Variants in SPTLC1 observed in about 807,000 individuals in gnomAD.
SPTLC1 encodes serine palmitoyltransferase 1.
Under a neutral mutation model 68.9 loss-of-function variants are expected in SPTLC1, and 55 were observed. The observed-to-expected ratio is 0.80, with a 90% confidence interval of 0.64 to 1.00. SPTLC1 has a LOEUF of 1.00. SPTLC1 is among the 50% of genes least tolerant of loss of function. The pLI is 0.00. For synonymous variants in SPTLC1, 197 were observed against 201.6 expected (o/e 0.98, Z 0.19); for missense variants, 449 against 573.1 (o/e 0.78, Z 2.21).
intron 8 of SPTLC1, among the ~76,000 whole-genome samples, chr9:92,053,716 T>A (rs1833788947): frequency 6.6e-6 from 1 of 152,036 alleles, no homozygotes; most frequent in African/African-American, 2.4e-5. Flanking sequence ...AAAAGGTAAA[T>A]CCATAGAGAC....
At chr9:92,109,062 C>G in intron 2 of SPTLC1, 1 of 460,554 alleles carries the variant, frequency 2.2e-6, no homozygotes, top group Non-Finnish European at 4.0e-6. Flanking sequence ...AGCCCTTGAC[C>G]ACTAACAGGA....
chr9:92,059,847 C>T (rs1175835504), intron 6 of SPTLC1, among the ~76,000 whole-genome samples: 2 of 152,152 alleles, frequency 1.3e-5, no homozygotes, highest in Non-Finnish European at 2.9e-5. Flanking sequence ...CCTCGAGAGG[C>T]TGTAACAAGG....
intron 13 of SPTLC1, among the ~76,000 whole-genome samples, chr9:92,036,907 G>C (rs1161331218): frequency 6.6e-6 from 1 of 152,214 alleles, no homozygotes; most frequent in Non-Finnish European, 1.5e-5. Flanking sequence ...TGTCCACAGA[G>C]TTGTGCCTGA....
intron 11 of SPTLC1, chr9:92,046,336 T>A: frequency 7.5e-6 from 3 of 399,826 alleles, no homozygotes; most frequent in Non-Finnish European, 1.3e-5. Context: ...CTAATCTGGC[T>A]AAGAATCAAA....
intron 9 of SPTLC1, among the ~76,000 whole-genome samples, chr9:92,049,409 A>G (rs1833630318): frequency 6.6e-6 from 1 of 152,160 alleles, no homozygotes; most frequent in African/African-American, 2.4e-5. Flanking sequence ...TTTCCCTCAG[A>G]AAAGGAAACA....
At chr9:92,062,535 G>A (rs1482531385) in intron 6 of SPTLC1, among the ~76,000 whole-genome samples, 1 of 152,070 alleles carries the variant, frequency 6.6e-6, no homozygotes, top group Non-Finnish European at 1.5e-5. Flanking sequence ...CCAAACAGCA[G>A]CAGAATACAC....
chr9:92,051,130 C>A, intron 8 of SPTLC1: 6 of 985,050 alleles, frequency 6.1e-6, no homozygotes, highest in Middle Eastern at 5.2e-4. Context: ...ACCATTGACA[C>A]TCTTACAAAA....
chr9:92,089,467 T>A (rs1349526733), intron 3 of SPTLC1, among the ~76,000 whole-genome samples: 2 of 151,412 alleles, frequency 1.3e-5, no homozygotes, highest in Non-Finnish European at 2.9e-5. Flanking sequence ...AAATATAACT[T>A]CCAGAAATAA....
intron 3 of SPTLC1, among the ~76,000 whole-genome samples, chr9:92,090,372 A>G (rs1257499535): frequency 6.6e-6 from 1 of 152,152 alleles, no homozygotes; most frequent in African/African-American, 2.4e-5. Context: ...ACTTTGGGAC[A>G]CCAAAGCAGG....
chr9:92,045,079 T>C (rs1833462745), intron 12 of SPTLC1, among the ~76,000 whole-genome samples: 2 of 152,358 alleles, frequency 1.3e-5, no homozygotes, highest in South Asian at 4.1e-4. Context: ...CCATAAATCA[T>C]GCAAGAACTG....
chr9:92,037,627 T>C (rs534879813), intron 13 of SPTLC1, among the ~76,000 whole-genome samples: 44 of 152,280 alleles, frequency 2.9e-4, no homozygotes, highest in Non-Finnish European at 5.0e-4. Context: ...TCTGGAGGGG[T>C]AGTGCTACTG....
In SPTLC1 at chr9:92,059,217, C is replaced by G. The variant is rs371402481; in HGVS notation, c.652G>C (p.Glu218Gln). 4 of 1,613,804 alleles carry G rather than the reference C, an allele frequency of 2.5e-6. No individual in the cohort carries two copies. Among genetic ancestry groups the G allele is most frequent in the Admixed American group, 3.3e-5 (2 of 59,988 alleles). ...LFKHNDMADL[E>Q]RLLKEQEIED... ...ATCTCTTGTTCTTTTAGTAGTCGCT[C>G]GAGGTCAGCCATGTCATTATGCTTA... The change falls in exon 7 of 15, where the codon GAG (glutamate) becomes CAG (glutamine). Residue 218 changes from glutamate to glutamine, a missense_variant. By Grantham distance (29) the Glu-to-Gln change is conservative. Around this residue, in one of 3 missense-constraint regions of SPTLC1, gnomAD observed 391 missense variants for 472.1 expected, o/e 0.83. Coordinates refer to ENST00000262554, the MANE Select transcript of SPTLC1 (RefSeq NM_006415.4).
At position 92,109,053 on chromosome 9, in the gene SPTLC1, G is replaced by A; in HGVS notation, c.166-219C>T. ...CATGCCTACCATAGAGTTGTACCTA[G>A]CCCTTGACCACTAACAGGAGCTCTC... On this transcript the variant is annotated intron_variant, in intron 2 of 14. Transcript: ENST00000262554. The A allele has an allele frequency of 7.7e-6, 4 of 518,054 alleles. No individual in the cohort carries two copies. In the South Asian group the frequency reaches 8.4e-5, roughly 11 times the overall value. The allele number at this position is 518,054 out of a possible 1,614,324, so 32.1% of individuals were successfully genotyped here. A position where few individuals can be genotyped will look rare whatever the true frequency, so the allele number is the denominator to read the frequency against.
chr9:92,062,468 C>T (rs7024583), intron 6 of SPTLC1, among the ~76,000 whole-genome samples: 51,468 of 151,976 alleles, frequency 0.34, 12,321 homozygotes, highest in African/African-American at 0.67. Flanking sequence ...ATCACCAAGA[C>T]AGAAGAACCC....
chr9:92,032,909 A>G (rs958829410), intron 14 of SPTLC1, among the ~76,000 whole-genome samples: 1 of 151,950 alleles, frequency 6.6e-6, no homozygotes, highest in Non-Finnish European at 1.5e-5. Context: ...AAACAAACAG[A>G]AAAAAGAATT....
intron 12 of SPTLC1, among the ~76,000 whole-genome samples, chr9:92,041,041 G>A (rs1564082390): frequency 1.3e-5 from 2 of 152,140 alleles, no homozygotes; most frequent in African/African-American, 2.4e-5. Context: ...GTGGATAAAC[G>A]AGCACTGGGC....
chr9:92,099,910 T>C (rs1382658443), intron 3 of SPTLC1, among the ~76,000 whole-genome samples: 8 of 152,200 alleles, frequency 5.3e-5, no homozygotes, highest in African/African-American at 1.7e-4. Flanking sequence ...CTATACCATA[T>C]AGTCTAGGTG....
chr9:92,046,678 TTAG>T (rs1428340915), intron 11 of SPTLC1, among the ~76,000 whole-genome samples: 3 of 148,166 alleles, frequency 2.0e-5, no homozygotes, highest in Admixed American at 6.6e-5. Flanking sequence ...TTTTAAATTC[TTAG>T]TAGACTTTTT....
At chr9:92,057,627 A>C (rs1018047040) in intron 7 of SPTLC1, among the ~76,000 whole-genome samples, 1 of 152,242 alleles carries the variant, frequency 6.6e-6, no homozygotes, top group Non-Finnish European at 1.5e-5. Flanking sequence ...ACTACTGTTC[A>C]TATCCACTGA....
Sources: allele counts gnomAD v4.1 joint callset (sites outside exome capture counted in the v4.1 genomes callset), GRCh38; gene constraint gnomAD v4.1.1; regional missense constraint gnomAD v4.1.1; transcripts MANE v1.5; gene names NCBI Gene and HGNC (gene_info 2026-07-23, HGNC 2026-07-21).